TGM6: variants seen among roughly 807,000 people sequenced by gnomAD.
TGM6 encodes the protein transglutaminase 6.
Under a neutral mutation model 77.5 loss-of-function variants are expected in TGM6, and 74 were observed. The ratio of observed to expected loss-of-function variants is 0.96; its 90% CI spans 0.79 to 1.16. The LOEUF (loss-of-function observed/expected upper bound fraction) is 1.16. Ranked by LOEUF, TGM6 falls within the 50% of genes most tolerant of loss-of-function variation. The probability of loss-of-function intolerance (pLI) is 0.00; values close to 1 mark genes in which losing one functional copy is unlikely to be tolerated. For synonymous variants in TGM6, 383 were observed against 378.9 expected (o/e 1.01, Z -0.12); for missense variants, 968 against 940.2 (o/e 1.03, Z -0.39).
intron 9 of TGM6, among the ~76,000 whole-genome samples, chr20:2,408,595 T>C (rs1023116974): frequency 2.6e-5 from 4 of 152,130 alleles, no homozygotes; most frequent in African/African-American, 9.7e-5. Context: ...ACGGAATGAA[T>C]GAATTGGGGC....
chr20:2,425,105 C>A (rs2084879127), intron 10 of TGM6, among the ~76,000 whole-genome samples: 1 of 152,032 alleles, frequency 6.6e-6, no homozygotes, highest in Non-Finnish European at 1.5e-5. Flanking sequence ...CTTTTGGAGG[C>A]CAAAGTGAGA....
chr20:2,417,207 G>A, intron 9 of TGM6, 25 bp from the exon 10 acceptor site: 3 of 1,568,492 alleles, frequency 1.9e-6, no homozygotes, highest in African/African-American at 1.4e-5. Context: ...GGTGCCTGCC[G>A]CTGACGTTGT....
At chr20:2,418,205 G>A (rs1034217369) in intron 10 of TGM6, among the ~76,000 whole-genome samples, 1 of 152,172 alleles carries the variant, frequency 6.6e-6, no homozygotes, top group Admixed American at 6.5e-5. Flanking sequence ...TAGAGAGGGG[G>A]TTTCATGATG....
chr20:2,384,410 A>G lies in TGM6; in HGVS notation c.7+3435A>G, dbSNP rs537963478. On this transcript the variant is annotated intron_variant, in intron 1 of 12. Transcript: ENST00000202625. ...TCAGATCCAGGGCCACACAGCCAAC[A>G]AGTAGATGATTCAGGATGTCATGAA... is the stretch of plus-strand genomic sequence containing the variant. 2.0e-5 allele frequency among the ~76,000 whole-genome samples: 3 copies of G among 152,268 alleles called. 1 individual carries two copies. The highest frequency in any genetic ancestry group is 2.0e-4 in the Admixed American group (3 of 15,296).
rs1271294723 is a variant in TGM6, at chr20:2,430,914, G to A, written c.1854G>A (p.Val618=). 3 of 1,614,068 alleles carry A rather than the reference G, an allele frequency of 1.9e-6. No individual in the cohort carries two copies. Among genetic ancestry groups the A allele is most frequent in the African/African-American group, 2.7e-5 (2 of 74,916 alleles). The change falls in exon 12 of 13, where the codon GTG becomes GTA. Residue 618 remains valine, a synonymous_variant. Transcript: ENST00000202625. ...TTCAGGTTCTGGGCCCAGCCATGGT[G>A]GGAGTGGCAGTTACAGTGGAAGTGA... ...ITIKVLGPAM[V]GVAVTVEVTV...
chr20:2,401,520 A>G (rs2084709093), intron 7 of TGM6, among the ~76,000 whole-genome samples: 1 of 152,228 alleles, frequency 6.6e-6, no homozygotes, highest in African/African-American at 2.4e-5. Flanking sequence ...GTAAATACAC[A>G]GAGTTTTCCT....
chr20:2,422,156 T>C (rs944578956), intron 10 of TGM6, among the ~76,000 whole-genome samples: 1 of 152,064 alleles, frequency 6.6e-6, no homozygotes, highest in African/African-American at 2.4e-5. Flanking sequence ...ATATTACCAA[T>C]CTCAGGTCAT....
chr20:2,402,748 G>T (rs537290945), intron 7 of TGM6, among the ~76,000 whole-genome samples: 45 of 152,222 alleles, frequency 3.0e-4, no homozygotes, highest in South Asian at 1.9e-3. Context: ...TTAACACGGG[G>T]AATTAAAAAT....
chr20:2,398,054 G>GC lies in TGM6; in HGVS notation c.672+12dup. The GC allele has an allele frequency of 6.2e-7, 1 of 1,614,118 alleles. No homozygotes were observed. Among genetic ancestry groups the GC allele is most frequent in the Non-Finnish European group, 8.5e-7 (1 of 1,180,014 alleles). ...AGGGTCATCAGTGCCATGGTGAGAA[G>GC]CCCCTCCATCCCTGCACATGTACTT... is the stretch of plus-strand genomic sequence containing the variant. On this transcript the variant is annotated intron_variant, in intron 5 of 12. Transcript: ENST00000202625.
rs1353170726 is a variant in TGM6 at position 2,414,632 on chromosome 20, A to G, written c.1337-2600A>G. On this transcript the variant is annotated intron_variant, in intron 9 of 12. Transcript: ENST00000202625. The stretch of plus-strand genomic sequence containing the variant: ...ATGAATATTTATAGAAACACTATTT[A>G]AAATAGATAAAAAGTAGAAACAGCT... 5.3e-5 allele frequency among the ~76,000 whole-genome samples: 8 copies of G among 152,346 alleles called. No individual in the cohort carries two copies. In the East Asian group the frequency reaches 1.5e-3, roughly 29 times the overall value.
chr20:2,395,601 C>G (rs2084659791), intron 3 of TGM6, among the ~76,000 whole-genome samples, 165 bp downstream of exon 3: 2 of 152,154 alleles, frequency 1.3e-5, no homozygotes, highest in Admixed American at 6.5e-5. Context: ...TCAGAGAAAC[C>G]TGGTAGCAGG....
chr20:2,417,658 C>A lies in TGM6; in HGVS notation c.1678+85C>A, dbSNP rs1599962409. The A allele has an allele frequency of 7.1e-6, 10 of 1,399,550 alleles. No individual in the cohort carries two copies. The East Asian group carries it at 2.2e-4, about 31-fold the overall frequency. The allele number at this position is 1,399,550 out of a possible 1,614,324, so 86.7% of individuals were successfully genotyped here. ...TGGAGGTCAGAGGGATTTCCCAGGA[C>A]TGCATTCATCCCCAGGAAGGAAGGG... On this transcript the variant is annotated intron_variant, in intron 10 of 12. Coordinates refer to ENST00000202625, the MANE Select transcript of TGM6 (RefSeq NM_198994.3).
intron 1 of TGM6, among the ~76,000 whole-genome samples, chr20:2,387,958 G>A (rs570405682): frequency 9.9e-5 from 15 of 152,284 alleles, no homozygotes; most frequent in East Asian, 7.7e-4. Context: ...GAGATTCTCC[G>A]TGGGCCATTT....
intron 6 of TGM6, among the ~76,000 whole-genome samples, 166 bp downstream of exon 6, chr20:2,399,904 T>C (rs540028225): frequency 3.0e-4 from 45 of 152,212 alleles, no homozygotes; most frequent in Non-Finnish European, 6.0e-4. Context: ...ATTTATTTCC[T>C]TCATATCTGA....
At chr20:2,381,122 GGA>G in intron 1 of TGM6, 147 bp downstream of exon 1, 15 of 1,273,272 alleles carry the variant, frequency 1.2e-5, no homozygotes, top group Non-Finnish European at 1.7e-5. Flanking sequence ...CTCTTCGTGT[GGA>G]TTCATGAGGC....
intron 9 of TGM6, among the ~76,000 whole-genome samples, chr20:2,409,080 C>T (rs971696963): frequency 7.2e-5 from 11 of 152,092 alleles, no homozygotes; most frequent in Admixed American, 5.2e-4. Flanking sequence ...ATATGCTCAG[C>T]CATAAAATAA....
rs566664202 is a variant in TGM6, at chr20:2,424,152, C to T, written c.1679-6294C>T. Among the ~76,000 whole-genome samples, 14 of 152,322 alleles carry T rather than the reference C, an allele frequency of 9.2e-5. No individual in the cohort carries two copies. The South Asian group carries it at 2.9e-3, about 32-fold the overall frequency. On this transcript the variant is annotated intron_variant, in intron 10 of 12. Transcript: ENST00000202625. ...AGCATTGGCTTCAACTTAAAGTCACCAGCTGCATTAGCTCCTTAATGCACA... is the reference window on the plus strand; with the variant it reads ...AGCATTGGCTTCAACTTAAAGTCACTAGCTGCATTAGCTCCTTAATGCACA...
At chr20:2,398,150 G>A (rs763553690) in intron 5 of TGM6, 104 bp downstream of exon 5, 64 of 1,589,206 alleles carry the variant, frequency 4.0e-5, no homozygotes, top group East Asian at 1.8e-4. Flanking sequence ...GTTTTAATTC[G>A]CTGTTGTTGC....
At chr20:2,382,279 C>A (rs183099752) in intron 1 of TGM6, among the ~76,000 whole-genome samples, 4 of 152,282 alleles carry the variant, frequency 2.6e-5, no homozygotes, top group African/African-American at 9.6e-5. Flanking sequence ...GAAGACCAGG[C>A]CTTGCCAACA....
Sources: allele counts gnomAD v4.1 joint callset (sites outside exome capture counted in the v4.1 genomes callset), GRCh38; gene constraint gnomAD v4.1.1; transcripts MANE v1.5; gene names NCBI Gene and HGNC (gene_info 2026-07-23, HGNC 2026-07-21).